Variants in MRTFB observed in about 807,000 individuals in gnomAD.
MRTFB encodes myocardin related transcription factor B, also known as myocardin-related transcription factor B.
Under a neutral mutation model 104.2 loss-of-function variants are expected in MRTFB, and 29 were observed. The observed-to-expected ratio is 0.28, with a 90% CI of 0.21 to 0.38. The LOEUF (loss-of-function observed/expected upper bound fraction) is 0.38. Ranked by LOEUF, MRTFB falls within the 10% of genes least tolerant of loss-of-function variation. The pLI, the probability that MRTFB is intolerant of heterozygous loss-of-function variation, is 1.00. For missense variants in MRTFB, 1,270 were observed against 1,341.6 expected (o/e 0.95, Z 0.83); for synonymous variants, 535 against 519.5 (o/e 1.03, Z -0.41).
At chr16:14,176,971 AAG>A (rs2039603541) in intron 3 of MRTFB, among the ~76,000 whole-genome samples, 1 of 152,258 alleles carries the variant, frequency 6.6e-6, no homozygotes. Context: ...AGGCTTCTGA[AAG>A]AGACTGATAC....
chr16:14,228,685 C>T (rs2151286614), intron 8 of MRTFB, among the ~76,000 whole-genome samples: 1 of 152,240 alleles, frequency 6.6e-6, no homozygotes, highest in South Asian at 2.1e-4. Context: ...ACGTCCACTG[C>T]CAGATGAATG....
At chr16:13,995,649 G>A in the MRTFB span, among the ~76,000 whole-genome samples, 1 of 152,170 alleles carries the variant, frequency 6.6e-6, no homozygotes, top group Non-Finnish European at 1.5e-5. Flanking sequence ...TGGTTCCACA[G>A]GCTGTGCATG....
intron 3 of MRTFB, chr16:14,186,943 A>G (rs776665073): frequency 6.9e-6 from 11 of 1,598,254 alleles, no homozygotes; most frequent in Admixed American, 1.7e-5. Context: ...AAGCAGCAAC[A>G]GGGCTTCCCA....
chr16:14,081,385 C>T (rs528187587), intron 2 of MRTFB, among the ~76,000 whole-genome samples: 18 of 151,712 alleles, frequency 1.2e-4, no homozygotes, highest in Admixed American at 2.6e-4. Flanking sequence ...CTCCGCCTCC[C>T]GGATTCAAGC....
intron 3 of MRTFB, among the ~76,000 whole-genome samples, chr16:14,175,715 G>A (rs936670123): frequency 1.1e-4 from 16 of 152,152 alleles, no homozygotes; most frequent in African/African-American, 3.9e-4. Flanking sequence ...CTACCCAGAT[G>A]TTCATCAAAC....
At chr16:14,235,992 C>T (rs1418131836) in intron 9 of MRTFB, among the ~76,000 whole-genome samples, 1 of 152,104 alleles carries the variant, frequency 6.6e-6, no homozygotes, top group African/African-American at 2.4e-5. Flanking sequence ...CCAGCCTGGG[C>T]AACATGGCAA....
chr16:14,072,965 G>A (rs1370676146), intron 1 of MRTFB, among the ~76,000 whole-genome samples: 1 of 152,080 alleles, frequency 6.6e-6, no homozygotes, highest in African/African-American at 2.4e-5. Context: ...ATATTAACAA[G>A]GTTGAAAATT....
chr16:14,129,485 T>G (rs969967783), intron 2 of MRTFB, among the ~76,000 whole-genome samples: 1 of 152,252 alleles, frequency 6.6e-6, no homozygotes. Context: ...TTGGCTCTTT[T>G]GAATAATGCT....
the MRTFB span, among the ~76,000 whole-genome samples, chr16:14,040,100 G>T: frequency 2.6e-5 from 4 of 152,148 alleles, no homozygotes; most frequent in Non-Finnish European, 5.9e-5. Flanking sequence ...TCTGTCCATT[G>T]CTTTAAATTA....
At chr16:14,116,716 C>T (rs1365893907) in intron 2 of MRTFB, among the ~76,000 whole-genome samples, 1 of 152,052 alleles carries the variant, frequency 6.6e-6, no homozygotes, top group Non-Finnish European at 1.5e-5. Context: ...AGGTGTTTAG[C>T]AGCATCCCTG....
the MRTFB span, among the ~76,000 whole-genome samples, chr16:13,998,910 A>AAAAT: frequency 7.6e-6 from 1 of 131,332 alleles, no homozygotes; most frequent in Non-Finnish European, 1.6e-5. Flanking sequence ...AAAAAAAAAA[A>AAAAT]GGCCGGTCAT....
At chr16:14,127,137 A>G (rs995181781) in intron 2 of MRTFB, among the ~76,000 whole-genome samples, 15 of 152,320 alleles carry the variant, frequency 9.8e-5, no homozygotes, top group Non-Finnish European at 7.3e-5. Flanking sequence ...TAATTGATTA[A>G]CATCCATTTA....
chr16:14,008,013 C>A, the MRTFB span, among the ~76,000 whole-genome samples: 2 of 152,142 alleles, frequency 1.3e-5, no homozygotes, highest in Non-Finnish European at 2.9e-5. Flanking sequence ...AATTTTCTCT[C>A]ATTCTGTGGG....
intron 2 of MRTFB, among the ~76,000 whole-genome samples, chr16:14,099,648 C>T (rs1478512392): frequency 1.3e-5 from 2 of 149,858 alleles, no homozygotes; most frequent in African/African-American, 2.5e-5. Context: ...CATGCCCAGC[C>T]GTATTCTGCA....
At chr16:14,136,974 T>C (rs933216666) in intron 2 of MRTFB, among the ~76,000 whole-genome samples, 9 of 152,232 alleles carry the variant, frequency 5.9e-5, no homozygotes, top group Non-Finnish European at 8.8e-5. Context: ...CTGTCAGTTC[T>C]AGACAAATTA....
intron 3 of MRTFB, chr16:14,141,855 T>A (rs74316934): frequency 6.6e-6 from 1 of 152,044 alleles, no homozygotes; most frequent in Non-Finnish European, 1.5e-5. Flanking sequence ...TTTTTTTTTT[T>A]TGAGACAGAG....
At chr16:14,247,793 T>G in intron 12 of MRTFB, 1 of 365,372 alleles carries the variant, frequency 2.7e-6, no homozygotes, top group Non-Finnish European at 5.0e-6. Context: ...ACGTGATCAT[T>G]GTGATCATAG....
the MRTFB span, among the ~76,000 whole-genome samples, chr16:14,043,986 G>A: frequency 6.6e-6 from 1 of 152,218 alleles, no homozygotes; most frequent in Non-Finnish European, 1.5e-5. Flanking sequence ...TCTTCCTGGA[G>A]GAGGTGACAT....
At chr16:14,084,667 G>A (rs2034597233) in intron 2 of MRTFB, among the ~76,000 whole-genome samples, 2 of 152,234 alleles carry the variant, frequency 1.3e-5, no homozygotes, top group Admixed American at 6.5e-5. Flanking sequence ...ATATTATTGA[G>A]TTATGTGGAT....
Sources: gnomAD v4.1 joint callset for allele counts (sites outside exome capture counted in the v4.1 genomes callset) on GRCh38, gnomAD v4.1.1 for gene constraint, MANE v1.5 for transcripts, NCBI Gene and HGNC (gene_info 2026-07-23, HGNC 2026-07-21) for gene names.